Variants in TBC1D19 observed in about 807,000 individuals in gnomAD.
TBC1D19 encodes TBC1 domain family member 19, also known as TBC1 domain family, member 19.
In TBC1D19, 60 loss-of-function variants were observed where a neutral mutation model predicts 89.0. The observed-to-expected ratio is 0.67, with a 90% CI of 0.55 to 0.84. The LOEUF (loss-of-function observed/expected upper bound fraction) is 0.84, where lower values mean the gene tolerates loss of function less well. Ranked by LOEUF, TBC1D19 falls within the 40% of genes least tolerant of loss-of-function variation. The pLI is 0.00. For missense variants in TBC1D19, 500 were observed against 610.8 expected (o/e 0.82, Z 1.91); for synonymous variants, 189 against 199.7 (o/e 0.95, Z 0.45).
At chr4:26,831,344 TTAGA>T in the TBC1D19 span, among the ~76,000 whole-genome samples, 5 of 151,926 alleles carry the variant, frequency 3.3e-5, no homozygotes, top group African/African-American at 1.2e-4. Context: ...CTCAGAAGAG[TTAGA>T]TAGTAAATAT....
chr4:26,836,711 A>G, the TBC1D19 span, among the ~76,000 whole-genome samples: 1 of 152,168 alleles, frequency 6.6e-6, no homozygotes, highest in Non-Finnish European at 1.5e-5. Context: ...GAGGAGGAGA[A>G]TTCCAGATTG....
intron 4 of TBC1D19, among the ~76,000 whole-genome samples, chr4:26,621,856 A>G (rs1015023635): frequency 6.6e-6 from 1 of 152,170 alleles, no homozygotes; most frequent in African/African-American, 2.4e-5. Flanking sequence ...TTGTCCAACA[A>G]CGATAGACTG....
At chr4:26,602,156 A>G (rs192061024) in intron 1 of TBC1D19, among the ~76,000 whole-genome samples, 2 of 152,370 alleles carry the variant, frequency 1.3e-5, no homozygotes, top group East Asian at 3.9e-4. Context: ...TTACCATGTG[A>G]TAGCTCTTGT....
the TBC1D19 span, among the ~76,000 whole-genome samples, chr4:26,777,088 G>T: frequency 2.0e-5 from 3 of 150,980 alleles, no homozygotes; most frequent in East Asian, 5.8e-4. Flanking sequence ...CGCTGGGACA[G>T]GCCACTTTAT....
chr4:26,626,129 G>A (rs1742383815), intron 4 of TBC1D19, among the ~76,000 whole-genome samples: 1 of 152,034 alleles, frequency 6.6e-6, no homozygotes, highest in Admixed American at 6.6e-5. Context: ...TGGACTCATG[G>A]ATATTCATTT....
the TBC1D19 span, among the ~76,000 whole-genome samples, chr4:26,853,931 ACTTT>A: frequency 1.3e-5 from 2 of 152,200 alleles, no homozygotes; most frequent in Non-Finnish European, 2.9e-5. Flanking sequence ...ACATTTCCAG[ACTTT>A]CTGTTTTCCT....
At position 26,645,142 on chromosome 4, in the gene TBC1D19, T is replaced by C. The variant is rs556927152; in HGVS notation, c.480+4955T>C. Among the ~76,000 whole-genome samples, 38 of 152,280 alleles carry C rather than the reference T, an allele frequency of 2.5e-4. 1 individual carries two copies. Among genetic ancestry groups the C allele is most frequent in the African/African-American group, 8.7e-4 (36 of 41,556 alleles). The stretch of plus-strand genomic sequence containing the variant: ...CTACCACTGACTTTCTTCACAGAAT[T>C]GGAAAAAACTACTTTAAAGTTCATA... On this transcript the variant is annotated intron_variant, in intron 7 of 20. Transcript: ENST00000264866.
intron 7 of TBC1D19, among the ~76,000 whole-genome samples, chr4:26,654,693 C>A (rs1394264131): frequency 6.6e-6 from 1 of 152,210 alleles, no homozygotes; most frequent in East Asian, 1.9e-4. Flanking sequence ...GTGCATTCGT[C>A]ACGTAGTTCT....
At chr4:26,841,044 T>C in the TBC1D19 span, among the ~76,000 whole-genome samples, 1 of 152,072 alleles carries the variant, frequency 6.6e-6, no homozygotes, top group Non-Finnish European at 1.5e-5. Context: ...CCTGCATCTC[T>C]AGTCAAGGCC....
intron 18 of TBC1D19, among the ~76,000 whole-genome samples, chr4:26,744,288 G>T (rs1718525171): frequency 6.6e-6 from 1 of 151,698 alleles, no homozygotes; most frequent in South Asian, 2.1e-4. Flanking sequence ...TATTCTGGCT[G>T]CAGGTTTATC....
Position 26,670,599 on chromosome 4 carries a change from T to C in TBC1D19, c.665-1550T>C, listed in dbSNP as rs1318137809. Among the ~76,000 whole-genome samples the C allele has an allele frequency of 2.0e-5, 3 of 151,746 alleles. No homozygotes were observed. The East Asian group carries it at 5.8e-4, about 29-fold the overall frequency. On this transcript the variant is annotated intron_variant, in intron 9 of 20. Transcript: ENST00000264866. ...ATAGAAGTACAACATACATACTGGATAGTATACAAATCACGTATATACAGA... is the reference window on the plus strand; with the variant it reads ...ATAGAAGTACAACATACATACTGGACAGTATACAAATCACGTATATACAGA...
chr4:26,607,996 G>C (rs1202118819), intron 1 of TBC1D19, among the ~76,000 whole-genome samples: 1 of 152,188 alleles, frequency 6.6e-6, no homozygotes, highest in Non-Finnish European at 1.5e-5. Context: ...CAGGCCCCTA[G>C]TGATGGTATA....
chr4:26,735,122 G>A (rs769558295), intron 15 of TBC1D19, among the ~76,000 whole-genome samples: 11 of 146,922 alleles, frequency 7.5e-5, no homozygotes, highest in African/African-American at 2.7e-4. Context: ...GTATACACAT[G>A]TGTGTGTATA....
intron 3 of TBC1D19, among the ~76,000 whole-genome samples, chr4:26,616,970 T>A (rs1741737515): frequency 6.6e-6 from 1 of 152,226 alleles, no homozygotes; most frequent in African/African-American, 2.4e-5. Context: ...TACAACCCTA[T>A]GAAGTAAAAT....
At chr4:26,746,950 A>G (rs1422264863) in intron 18 of TBC1D19, among the ~76,000 whole-genome samples, 2 of 152,216 alleles carry the variant, frequency 1.3e-5, no homozygotes, top group Admixed American at 1.3e-4. Context: ...CACGTACAGC[A>G]TAGATACACC....
At chr4:26,598,898 G>T (rs868488699) in intron 1 of TBC1D19, among the ~76,000 whole-genome samples, 3 of 151,318 alleles carry the variant, frequency 2.0e-5, no homozygotes, top group Middle Eastern at 3.2e-3. Context: ...AAATAGAATA[G>T]AAAGAAAAAA....
At chr4:26,785,605 A>C in the TBC1D19 span, among the ~76,000 whole-genome samples, 1 of 152,182 alleles carries the variant, frequency 6.6e-6, no homozygotes, top group Non-Finnish European at 1.5e-5. Context: ...ATAATGCACA[A>C]AGTGTGAGCA....
intron 4 of TBC1D19, among the ~76,000 whole-genome samples, chr4:26,626,477 A>T (rs1017321867): frequency 2.0e-5 from 3 of 152,144 alleles, no homozygotes; most frequent in Admixed American, 1.3e-4. Flanking sequence ...AATGTTCATG[A>T]TAACCCTATG....
At chr4:26,750,669 T>C (rs1470653033) in intron 19 of TBC1D19, among the ~76,000 whole-genome samples, 1 of 152,196 alleles carries the variant, frequency 6.6e-6, no homozygotes, top group Non-Finnish European at 1.5e-5. Context: ...GTCTGCATTA[T>C]TGCTTCCACC....
Sources: allele counts gnomAD v4.1 joint callset (sites outside exome capture counted in the v4.1 genomes callset), GRCh38; gene constraint gnomAD v4.1.1; transcripts MANE v1.5; gene names NCBI Gene and HGNC (gene_info 2026-07-23, HGNC 2026-07-21).